Variants in KCNH6 observed in about 807,000 individuals in gnomAD.
The protein encoded by KCNH6 is potassium voltage-gated channel subfamily H member 6.
In KCNH6, 81 loss-of-function variants were observed where a neutral mutation model predicts 83.4. The ratio of observed to expected loss-of-function variants is 0.97; its 90% confidence interval spans 0.81 to 1.17. The LOEUF is 1.17. KCNH6 is among the 50% of genes most tolerant of loss of function. The pLI, the probability that KCNH6 is intolerant of heterozygous loss-of-function variation, is 0.00. For missense variants in KCNH6, 1,203 were observed against 1,290.5 expected, an observed-to-expected ratio of 0.93 and a Z score of 1.04; for synonymous variants, 503 against 545.6, an observed-to-expected ratio of 0.92 and a Z score of 1.09.
At position 63,533,539 on chromosome 17, in the gene KCNH6, G is replaced by T. The variant is rs11658641; in HGVS notation, c.676-347G>T. On this transcript the variant is annotated intron_variant, in intron 4 of 12. Transcript: ENST00000314672. This position sits in a 1 kb window ranked among gnomAD's most constrained non-coding sequence, Gnocchi z 4.1. ...TTCTGTGGGCTCTTGTGTGGAATGGGTCTATAGATGTCCATGGGCCTGGCC... is the reference window on the plus strand; with the variant it reads ...TTCTGTGGGCTCTTGTGTGGAATGGTTCTATAGATGTCCATGGGCCTGGCC... Among the ~76,000 whole-genome samples, 41,281 of 151,982 alleles carry T rather than the reference G, an allele frequency of 0.27. 6,382 individuals are homozygous for T. The highest frequency in any genetic ancestry group is 0.39 in the Middle Eastern group (114 of 294).
intron 8 of KCNH6, among the ~76,000 whole-genome samples, chr17:63,540,069 G>T (rs1290304551): frequency 6.6e-6 from 1 of 152,192 alleles, no homozygotes; most frequent in Non-Finnish European, 1.5e-5. Flanking sequence ...GCAGATCCCA[G>T]TTGTCCTCCA....
At chr17:63,527,936 A>G (rs1767672621) in intron 2 of KCNH6, among the ~76,000 whole-genome samples, 1 of 152,190 alleles carries the variant, frequency 6.6e-6, no homozygotes, top group Non-Finnish European at 1.5e-5. Flanking sequence ...CCTCACTGCT[A>G]TAACGGGCTG....
At position 63,544,366 on chromosome 17, in the gene KCNH6, T is replaced by C. The variant is rs1014885962; in HGVS notation, c.2351T>C (p.Leu784Pro). ...CAGGAAGACCCAGATTGCTGGCCTC[T>C]GAAGCTGGGCTCCAGGCTAGAGCAG... The part of the protein sequence containing the change: ...SPQEDPDCWP[L>P]KLGSRLEQLQ... Residue 784 changes from leucine (L) to proline (P), a missense_variant, in exon 11 of 13, where the codon CTG becomes CCG. Leu to Pro is a moderately conservative substitution (Grantham distance 98). Transcript: ENST00000314672. 4.3e-6 allele frequency: 7 copies of C among 1,609,472 alleles called. No homozygotes were observed. In the Admixed American group the frequency reaches 6.7e-5, roughly 16 times the overall value.
intron 2 of KCNH6, among the ~76,000 whole-genome samples, chr17:63,524,714 G>A (rs974651126): frequency 8.5e-5 from 13 of 152,232 alleles, no homozygotes; most frequent in Admixed American, 2.0e-4. Context: ...CCTCCTCTCC[G>A]TCTGCTCCAA....
chr17:63,533,068 G>T lies in KCNH6; in HGVS notation c.676-818G>T, dbSNP rs1031318107. On this transcript the variant is annotated intron_variant, in intron 4 of 12. Transcript: ENST00000314672. This position sits in a 1 kb window ranked among gnomAD's most constrained non-coding sequence, Gnocchi z 4.1. ...CACATGTCAGACCTGGGATTCAACC[G>T]GGGAGGCCTGGCTTCAGTACCCATG... Among the ~76,000 whole-genome samples the T allele has an allele frequency of 6.7e-6, 1 of 149,252 alleles. No homozygotes were observed. Among genetic ancestry groups the T allele is most frequent in the Non-Finnish European group, 1.5e-5 (1 of 66,382 alleles).
At chr17:63,528,150 A>G (rs2031839154) in intron 2 of KCNH6, among the ~76,000 whole-genome samples, 1 of 152,072 alleles carries the variant, frequency 6.6e-6, no homozygotes, top group South Asian at 2.1e-4. Context: ...AGAGATTGAC[A>G]ATATAATCTG....
Position 63,538,211 on chromosome 17 carries a change from G to C in KCNH6, c.1648G>C (p.Glu550Gln). Residue 550 changes from glutamate to glutamine, a missense_variant, in exon 7 of 13, where the codon GAG (glutamate) becomes CAG (glutamine). Coordinates refer to ENST00000314672, the MANE Select transcript of KCNH6 (RefSeq NM_001278919.2). The surrounding 1 kb of genome is among the most constrained non-coding windows in gnomAD (Gnocchi z 4.0). ...QIPNPLRQRL[E>Q]EYFQHAWSYT... ...CCCCAACCCACTGCGCCAGCGCCTG[G>C]AGGAGTATTTCCAGCACGCCTGGTC... is the stretch of plus-strand genomic sequence containing the variant. 6.2e-7 allele frequency: 1 copy of C among 1,614,218 alleles called. No homozygotes were observed. Among genetic ancestry groups the C allele is most frequent in the Non-Finnish European group, 8.5e-7 (1 of 1,180,032 alleles).
Position 63,538,728 on chromosome 17 carries a change from G to T in KCNH6, c.1954+66G>T. The T allele has an allele frequency of 1.4e-6, 2 of 1,464,902 alleles. No homozygotes were observed. Among genetic ancestry groups the T allele is most frequent in the Non-Finnish European group, 9.2e-7 (1 of 1,088,546 alleles). 90.7% of individuals were successfully genotyped at this position (1,464,902 alleles called of 1,614,324 possible). On this transcript the variant is annotated intron_variant, in intron 8 of 12. Coordinates refer to ENST00000314672, the MANE Select transcript of KCNH6 (RefSeq NM_001278919.2). This position sits in a 1 kb window ranked among gnomAD's most constrained non-coding sequence, Gnocchi z 4.0. The stretch of plus-strand genomic sequence containing the variant: ...GATGGAAGAGGGCGGGATTGGAGAT[G>T]CCCTGCCCAGGCCACCCTCTTCCTG...
chr17:63,545,216 GA>G lies in KCNH6; in HGVS notation c.2536del (p.Thr846ArgfsTer64). ...CCTTGGTTCCTATAGCCTCGGAGAC[GA>G]CGAGTCCAGGGCCCAGGCTGCCCCA... ...LALVPIASETTSPGPRLPQGF... is the reference protein window; with the variant it reads ...LALVPIASETXSPGPRLPQGF... On this transcript the variant is annotated frameshift_variant, in exon 12 of 13. Coordinates refer to ENST00000314672, the MANE Select transcript of KCNH6 (RefSeq NM_001278919.2). LOFTEE classifies it low-confidence loss of function (END_TRUNC). 3 of 1,613,748 alleles carry G rather than the reference GA, an allele frequency of 1.9e-6. No homozygotes were observed. The highest frequency in any genetic ancestry group is 2.5e-6 in the Non-Finnish European group (3 of 1,180,026).
At position 63,544,052 on chromosome 17, in the gene KCNH6, C is replaced by G. The variant is rs375757395; in HGVS notation, c.2234-197C>G. 12 of 1,602,806 alleles carry G rather than the reference C, an allele frequency of 7.5e-6. No individual in the cohort carries two copies. The African/African-American group carries it at 1.6e-4, about 21-fold the overall frequency. ...TGGGGCCCCAGTTCCCCTCTAAGGG[C>G]TACAGCCTCCTGGGTCCTGGGAGCC... On this transcript the variant is annotated intron_variant, in intron 10 of 12. Transcript: ENST00000314672.
downstream of KCNH6, among the ~76,000 whole-genome samples, chr17:63,547,036 A>G (rs1338083752): frequency 6.6e-6 from 1 of 152,102 alleles, no homozygotes; most frequent in African/African-American, 2.4e-5. Flanking sequence ...TCCTCAAAAC[A>G]ACCCCAACGG....
chr17:63,525,596 C>CTG (rs1474087213), intron 2 of KCNH6, among the ~76,000 whole-genome samples: 16 of 151,820 alleles, frequency 1.1e-4, no homozygotes, highest in African/African-American at 2.4e-4. Context: ...GTGTGTGCCT[C>CTG]TGTGTGTGAG....
At chr17:63,525,374 G>A (rs966675386) in intron 2 of KCNH6, among the ~76,000 whole-genome samples, 2 of 152,228 alleles carry the variant, frequency 1.3e-5, no homozygotes, top group African/African-American at 4.8e-5. Context: ...AATCCCAAGA[G>A]GAGAGAAAGG....
At chr17:63,529,830 C>T (rs754195812) in intron 2 of KCNH6, among the ~76,000 whole-genome samples, 3 of 152,200 alleles carry the variant, frequency 2.0e-5, no homozygotes, top group East Asian at 1.9e-4. Flanking sequence ...AGCTGATGGC[C>T]GAGCGTGGAC....
intron 8 of KCNH6, among the ~76,000 whole-genome samples, chr17:63,539,509 G>A (rs1333855239): frequency 6.6e-6 from 1 of 152,200 alleles, no homozygotes; most frequent in Non-Finnish European, 1.5e-5. Flanking sequence ...TCCTGGGCAT[G>A]GCCGCCCTAG....
Position 63,535,577 on chromosome 17 carries a change from T to A in KCNH6, c.1102-92T>A, listed in dbSNP as rs1218635858. The A allele has an allele frequency of 1.7e-6, 2 of 1,203,652 alleles. No homozygotes were observed. Among genetic ancestry groups the A allele is most frequent in the African/African-American group, 1.5e-5 (1 of 65,348 alleles). 74.6% of individuals were successfully genotyped at this position (1,203,652 alleles called of 1,614,324 possible). A position where few individuals can be genotyped will look rare whatever the true frequency, so the allele number is the denominator to read the frequency against. ...TCCATAAATGTTTGTTGAATGAGTATGTGGTTGTATGCATGAGTGAACAAA... is the reference window on the plus strand; with the variant it reads ...TCCATAAATGTTTGTTGAATGAGTAAGTGGTTGTATGCATGAGTGAACAAA... On this transcript the variant is annotated intron_variant, in intron 5 of 12. Transcript: ENST00000314672. The surrounding 1 kb of genome is among the most constrained non-coding windows in gnomAD (Gnocchi z 4.9).
chr17:63,535,621 C>T lies in KCNH6; in HGVS notation c.1102-48C>T. 1 of 1,539,028 alleles carries T rather than the reference C, an allele frequency of 6.5e-7. No homozygotes were observed. The highest frequency in any genetic ancestry group is 8.8e-7 in the Non-Finnish European group (1 of 1,137,928). On this transcript the variant is annotated intron_variant, in intron 5 of 12. Coordinates refer to ENST00000314672, the MANE Select transcript of KCNH6 (RefSeq NM_001278919.2). This position sits in a 1 kb window ranked among gnomAD's most constrained non-coding sequence, Gnocchi z 4.9. ...GAACAAAAGCAGGCCTGACTGCACC[C>T]TTCCAAGGGCTGACCCCAGCCCTGT... is the stretch of plus-strand genomic sequence containing the variant.
In KCNH6 at chr17:63,546,059, C is replaced by A. The variant is rs1405516320; in HGVS notation, c.*157C>A. 2 of 616,042 alleles carry A rather than the reference C, an allele frequency of 3.2e-6. No individual in the cohort carries two copies. Among genetic ancestry groups the A allele is most frequent in the African/African-American group, 3.7e-5 (2 of 54,104 alleles). The allele number at this position is 616,042 out of a possible 1,614,324, so 38.2% of individuals were successfully genotyped here. On this transcript the variant is annotated 3_prime_UTR_variant, in exon 13 of 13. Transcript: ENST00000314672. ...ACCATCCTGGCTAACACGGTGAAAC[C>A]CCACCTCTACTAAAATTAAAAAAGA...
intron 12 of KCNH6, 136 bp from the exon 13 acceptor site, chr17:63,545,473 C>T: frequency 9.9e-7 from 1 of 1,013,546 alleles, no homozygotes; most frequent in Non-Finnish European, 1.4e-6. Context: ...CCAGAGCCTG[C>T]AGCTGGGGCC....
Sources: gnomAD v4.1 joint callset for allele counts (sites outside exome capture counted in the v4.1 genomes callset) on GRCh38, gnomAD v4.1.1 for gene constraint, Gnocchi (gnomAD v3.1) non-coding constraint, MANE v1.5 for transcripts, NCBI Gene and HGNC (gene_info 2026-07-23, HGNC 2026-07-21) for gene names.